The following ZBED4 variants were observed in gnomAD, a reference collection of about 807,000 sequenced individuals.
ZBED4 encodes zinc finger BED-type containing 4, also known as zinc finger BED domain-containing protein 4.
Under a neutral mutation model 15.5 loss-of-function variants are expected in ZBED4, and 4 were observed. The ratio of observed to expected loss-of-function variants is 0.26; its 90% CI spans 0.13 to 0.59. The LOEUF is 0.59. Among genes scored for constraint, ZBED4 ranks in the 20% least tolerant of loss-of-function variants. ZBED4 has a pLI of 0.90. For synonymous variants in ZBED4, 692 were observed against 608.5 expected (o/e 1.14, Z -2.02); for missense variants, 1,323 against 1,461.8 (o/e 0.91, Z 1.55).
At chr22:49,877,081 G>A (rs2060380102) in intron 1 of ZBED4, among the ~76,000 whole-genome samples, 1 of 152,100 alleles carries the variant, frequency 6.6e-6, no homozygotes, top group South Asian at 2.1e-4. Context: ...CAAAGAGTGT[G>A]TTTATGTAAA....
At chr22:49,854,545 C>T (rs931281204) in intron 1 of ZBED4, among the ~76,000 whole-genome samples, 10 of 152,248 alleles carry the variant, frequency 6.6e-5, no homozygotes, top group Non-Finnish European at 1.2e-4. Context: ...TGTAACTTGC[C>T]TTGCGAACCA....
At chr22:49,861,965 C>A (rs1423325905) in intron 1 of ZBED4, among the ~76,000 whole-genome samples, 1 of 152,120 alleles carries the variant, frequency 6.6e-6, no homozygotes, top group South Asian at 2.1e-4. Flanking sequence ...CAGGCCTGCA[C>A]CCTGTCAGCA....
intron 1 of ZBED4, among the ~76,000 whole-genome samples, chr22:49,872,918 G>A (rs1027615047): frequency 2.6e-5 from 4 of 152,020 alleles, no homozygotes; most frequent in African/African-American, 7.2e-5. Flanking sequence ...GGATGGTCTC[G>A]ATCTCCTGAC....
chr22:49,883,796 A>G lies in ZBED4; in HGVS notation c.134A>G (p.Glu45Gly), dbSNP rs2060421773. The part of the protein sequence containing the change: ...DSLERMDFKS[E>G]QEDMKQTDSG... ...TTGGAAAGAATGGACTTTAAAAGCG[A>G]GCAGGAGGACATGAAGCAGACAGAC... The change falls in exon 2 of 2, where the codon GAG becomes GGG. Residue 45 changes from glutamate to glycine, a missense_variant. By Grantham distance (98) the Glu-to-Gly change is moderately conservative. Coordinates refer to ENST00000216268, the MANE Select transcript of ZBED4 (RefSeq NM_014838.3). The G allele has an allele frequency of 6.2e-7, 1 of 1,613,382 alleles. No individual in the cohort carries two copies. The highest frequency in any genetic ancestry group is 1.1e-5 in the South Asian group (1 of 91,074).
chr22:49,878,726 A>C (rs2060391377), intron 1 of ZBED4, among the ~76,000 whole-genome samples: 1 of 152,202 alleles, frequency 6.6e-6, no homozygotes, highest in Non-Finnish European at 1.5e-5. Context: ...GTAAAAACTT[A>C]TGCTCTTCAA....
At chr22:49,880,455 C>G (rs1317368051) in intron 1 of ZBED4, among the ~76,000 whole-genome samples, 1 of 152,254 alleles carries the variant, frequency 6.6e-6, no homozygotes, top group Non-Finnish European at 1.5e-5. Flanking sequence ...ACTCCCCGCC[C>G]CGCAGCCTGG....
chr22:49,863,175 T>G (rs2060305175), intron 1 of ZBED4, among the ~76,000 whole-genome samples: 1 of 151,932 alleles, frequency 6.6e-6, no homozygotes, highest in Admixed American at 6.6e-5. Context: ...GTAGATTGTG[T>G]TTGGTTGGTT....
rs371387981 is a variant in ZBED4 at position 49,868,025 on chromosome 22, A to G, written c.-330+14036A>G. On this transcript the variant is annotated intron_variant, in intron 1 of 1. Coordinates refer to ENST00000216268, the MANE Select transcript of ZBED4 (RefSeq NM_014838.3). ...ATTCAGAATTCAAAGTACAGTTTGTACTGAATGCCAGTGGCTTTCACACCA... is the reference window on the plus strand; with the variant it reads ...ATTCAGAATTCAAAGTACAGTTTGTGCTGAATGCCAGTGGCTTTCACACCA... 3.3e-5 allele frequency among the ~76,000 whole-genome samples: 5 copies of G among 152,344 alleles called. No individual in the cohort carries two copies. The East Asian group carries it at 7.7e-4, about 23-fold the overall frequency.
intron 1 of ZBED4, among the ~76,000 whole-genome samples, chr22:49,867,726 C>T (rs2147515062): frequency 6.8e-6 from 1 of 147,646 alleles, no homozygotes; most frequent in Admixed American, 6.6e-5. Flanking sequence ...GATCTAATAC[C>T]ATCTAGGCCT....
intron 1 of ZBED4, among the ~76,000 whole-genome samples, chr22:49,881,025 T>C (rs2147539852): frequency 6.6e-6 from 1 of 152,368 alleles, no homozygotes; most frequent in East Asian, 1.9e-4. Flanking sequence ...TGCATGCTTT[T>C]GGACATTATA....
In ZBED4 at chr22:49,888,353, C is replaced by T. The variant is rs183608371; in HGVS notation, c.*1175C>T. 39 of 167,166 alleles carry T rather than the reference C, an allele frequency of 2.3e-4. No individual in the cohort carries two copies. The highest frequency in any genetic ancestry group is 2.1e-3 in the East Asian group (11 of 5,334). The allele number at this position is 167,166 out of a possible 1,614,324, so 10.4% of individuals were successfully genotyped here. ...TTGTTTTGTTGAAATACTGTACGTA[C>T]GCTTAATCTAAATTTGCATTGACTA... On this transcript the variant is annotated 3_prime_UTR_variant, in exon 2 of 2. Transcript: ENST00000216268.
At chr22:49,869,049 A>G (rs139557742) in intron 1 of ZBED4, among the ~76,000 whole-genome samples, 91 of 151,088 alleles carry the variant, frequency 6.0e-4, no homozygotes, top group Middle Eastern at 3.4e-3. Context: ...ACTTGAACCC[A>G]GGAGGCGGAG....
At chr22:49,875,771 G>A (rs1389050537) in intron 1 of ZBED4, among the ~76,000 whole-genome samples, 1 of 151,970 alleles carries the variant, frequency 6.6e-6, no homozygotes, top group African/African-American at 2.4e-5. Flanking sequence ...TTTTTTATAT[G>A]TTTCCTTACT....
Position 49,865,265 on chromosome 22 carries a change from AT to A in ZBED4, c.-330+11277del, listed in dbSNP as rs765092048. Among the ~76,000 whole-genome samples, 464 of 152,156 alleles carry A rather than the reference AT, an allele frequency of 3.0e-3. 4 individuals are homozygous for A. Among genetic ancestry groups the A allele is most frequent in the Non-Finnish European group, 4.5e-3 (305 of 68,006 alleles). On this transcript the variant is annotated intron_variant, in intron 1 of 1. Transcript: ENST00000216268. Reference sequence around the variant, plus strand: ...CAAACAGAAAAGGCACAGTAAACAGATGGTGTCGTTATCTTATGTAGCCACT... The same window carrying A: ...CAAACAGAAAAGGCACAGTAAACAGAGGTGTCGTTATCTTATGTAGCCACT...
chr22:49,868,250 CTAAAAAA>C (rs2060330698), intron 1 of ZBED4, among the ~76,000 whole-genome samples: 1 of 152,062 alleles, frequency 6.6e-6, no homozygotes. Flanking sequence ...TTTGGGGAAA[CTAAAAAA>C]TAAAATATAG....
intron 1 of ZBED4, among the ~76,000 whole-genome samples, 165 bp downstream of exon 1, chr22:49,854,154 C>T (rs1444107941): frequency 6.9e-6 from 1 of 145,516 alleles, no homozygotes; most frequent in Non-Finnish European, 1.5e-5. Flanking sequence ...CCCCGCCCGG[C>T]GCCGCCCCGG....
Position 49,878,727 on chromosome 22 carries a change from T to C in ZBED4, c.-329-4607T>C, listed in dbSNP as rs140916632. Among the ~76,000 whole-genome samples the C allele has an allele frequency of 7.9e-4, 120 of 152,294 alleles. 2 individuals carry two copies. The East Asian group carries it at 0.014, about 18-fold the overall frequency. On this transcript the variant is annotated intron_variant, in intron 1 of 1. Coordinates refer to ENST00000216268, the MANE Select transcript of ZBED4 (RefSeq NM_014838.3). ...GGACTTCATCAAAAGTAAAAACTTA[T>C]GCTCTTCAAAATACACTAGTAAAAG...
At chr22:49,858,868 C>T (rs1208217224) in intron 1 of ZBED4, among the ~76,000 whole-genome samples, 2 of 152,106 alleles carry the variant, frequency 1.3e-5, no homozygotes, top group Non-Finnish European at 2.9e-5. Context: ...CGTTCCGGTG[C>T]CCCCGGAGCA....
At chr22:49,859,802 G>A (rs1012874712) in intron 1 of ZBED4, among the ~76,000 whole-genome samples, 4 of 152,218 alleles carry the variant, frequency 2.6e-5, no homozygotes, top group Non-Finnish European at 5.9e-5. Flanking sequence ...GAGGTGGGGA[G>A]ACCACTTGAG....
Sources: gnomAD v4.1 joint callset for allele counts (sites outside exome capture counted in the v4.1 genomes callset) on GRCh38, gnomAD v4.1.1 for gene constraint, MANE v1.5 for transcripts, NCBI Gene and HGNC (gene_info 2026-07-23, HGNC 2026-07-21) for gene names.